RIC1: variants seen among roughly 807,000 people sequenced by gnomAD.
RIC1 encodes guanine nucleotide exchange factor subunit RIC1.
Under a neutral mutation model 169.0 loss-of-function variants are expected in RIC1, and 88 were observed. That is an observed-to-expected ratio of 0.52 (90% confidence interval 0.44 to 0.62). RIC1 has a LOEUF of 0.62. Among genes scored for constraint, RIC1 ranks in the 20% least tolerant of loss-of-function variants. The probability of loss-of-function intolerance (pLI) is 0.00; values close to 1 mark genes in which losing one functional copy is unlikely to be tolerated. For missense variants in RIC1, 1,877 were observed against 1,725.5 expected (o/e 1.09, Z -1.56); for synonymous variants, 790 against 601.5 (o/e 1.31, Z -4.59).
chr9:5,726,746 T>G (rs1024865526), intron 6 of RIC1, among the ~76,000 whole-genome samples: 6 of 152,216 alleles, frequency 3.9e-5, no homozygotes, highest in African/African-American at 1.4e-4. Flanking sequence ...TAAGGCAGGC[T>G]TGGTGGTGAC....
chr9:5,737,649 G>A (rs1471147170), intron 7 of RIC1, among the ~76,000 whole-genome samples: 1 of 151,392 alleles, frequency 6.6e-6, no homozygotes, highest in Non-Finnish European at 1.5e-5. Context: ...ACAGCCCAGG[G>A]GTTAGAGGTA....
intron 3 of RIC1, among the ~76,000 whole-genome samples, chr9:5,694,083 C>T (rs558659924): frequency 6.6e-6 from 1 of 152,242 alleles, no homozygotes; most frequent in Non-Finnish European, 1.5e-5. Context: ...TACTTCTTAC[C>T]AGCTCACTGC....
At chr9:5,645,869 C>G (rs754468804) in intron 1 of RIC1, among the ~76,000 whole-genome samples, 1 of 151,526 alleles carries the variant, frequency 6.6e-6, no homozygotes, top group Non-Finnish European at 1.5e-5. Flanking sequence ...CATGGGTAGA[C>G]AAATATCCAG....
intron 2 of RIC1, among the ~76,000 whole-genome samples, chr9:5,660,795 GTTGT>G (rs1055781031): frequency 6.6e-6 from 1 of 152,054 alleles, no homozygotes; most frequent in Admixed American, 6.5e-5. Context: ...CTACCATTCT[GTTGT>G]TTATCTGCTC....
intron 1 of RIC1, among the ~76,000 whole-genome samples, chr9:5,629,742 C>A (rs111673493): frequency 2.0e-5 from 3 of 152,210 alleles, no homozygotes; most frequent in Non-Finnish European, 2.9e-5. Flanking sequence ...GCTCCCCGGC[C>A]GAGCCCAGAC....
At chr9:5,758,545 G>C (rs1340522182) in intron 17 of RIC1, among the ~76,000 whole-genome samples, 1 of 152,042 alleles carries the variant, frequency 6.6e-6, no homozygotes, top group East Asian at 1.9e-4. Flanking sequence ...CATTGTAAAA[G>C]CTAGTCCCTC....
chr9:5,648,103 C>G lies in RIC1; in HGVS notation c.145-8480C>G, dbSNP rs570008318. ...GTTCAAGCAATTCTTCTGCCTCAGCCTCCCAAGTAGCTGGGATTACAGGCG... is the reference window on the plus strand; with the variant it reads ...GTTCAAGCAATTCTTCTGCCTCAGCGTCCCAAGTAGCTGGGATTACAGGCG... On this transcript the variant is annotated intron_variant, in intron 1 of 25. Transcript: ENST00000414202. Among the ~76,000 whole-genome samples the G allele has an allele frequency of 1.3e-3, 204 of 152,102 alleles. 1 individual carries two copies. Among genetic ancestry groups the G allele is most frequent in the African/African-American group, 4.7e-3 (195 of 41,472 alleles).
chr9:5,655,306 G>T (rs1262519424), intron 1 of RIC1, among the ~76,000 whole-genome samples: 1 of 151,930 alleles, frequency 6.6e-6, no homozygotes, highest in African/African-American at 2.4e-5. Context: ...TTGTTTATTT[G>T]TTTTGTTTTA....
chr9:5,698,747 G>C (rs897758959), intron 3 of RIC1, among the ~76,000 whole-genome samples: 9 of 152,168 alleles, frequency 5.9e-5, no homozygotes, highest in Non-Finnish European at 1.3e-4. Flanking sequence ...TATAAAATGA[G>C]AAAAATGAGT....
At chr9:5,645,191 C>T (rs1818443368) in intron 1 of RIC1, among the ~76,000 whole-genome samples, 1 of 152,010 alleles carries the variant, frequency 6.6e-6, no homozygotes, top group Non-Finnish European at 1.5e-5. Context: ...GTAGCTGGGA[C>T]TACAGATGCC....
In RIC1 at chr9:5,770,049, T is replaced by A. The variant is rs939055256; in HGVS notation, c.3425-38T>A. 2.6e-6 allele frequency: 4 copies of A among 1,545,296 alleles called. No homozygotes were observed. In the African/African-American group the frequency reaches 4.1e-5, roughly 16 times the overall value. ...AAATGTCAGTGTGTGCATCTTCAAT[T>A]TCTTCCTCCATTTTTTGTTTTCGGA... On this transcript the variant is annotated intron_variant, in intron 22 of 25. Transcript: ENST00000414202.
At chr9:5,655,372 C>G (rs1225404872) in intron 1 of RIC1, among the ~76,000 whole-genome samples, 1 of 152,172 alleles carries the variant, frequency 6.6e-6, no homozygotes, top group Non-Finnish European at 1.5e-5. Context: ...ACAATCTCAG[C>G]TCACTGCAAC....
At chr9:5,743,309 A>T (rs577468031) in intron 9 of RIC1, among the ~76,000 whole-genome samples, 21 of 152,244 alleles carry the variant, frequency 1.4e-4, no homozygotes, top group Middle Eastern at 3.4e-3. Flanking sequence ...TTATAATCTA[A>T]TGAGGGTGGT....
chr9:5,691,632 T>G (rs13286228), intron 3 of RIC1, among the ~76,000 whole-genome samples: 5,380 of 152,080 alleles, frequency 0.035, 102 homozygotes, highest in African/African-American at 0.053. Flanking sequence ...AGAATTTTTT[T>G]GCATTCTAAG....
In RIC1 at chr9:5,774,760, G is replaced by T. The variant is rs929035379; in HGVS notation, c.*514G>T. On this transcript the variant is annotated 3_prime_UTR_variant, in exon 26 of 26. Coordinates refer to ENST00000414202, the MANE Select transcript of RIC1 (RefSeq NM_020829.4). The stretch of plus-strand genomic sequence containing the variant: ...CTACCCTGGGGCACAATATGTGCCA[G>T]TGTGATGGAAACATTCTCCTTGGCT... 1.4e-4 allele frequency: 21 copies of T among 152,446 alleles called. No homozygotes were observed. The highest frequency in any genetic ancestry group is 5.1e-4 in the African/African-American group (21 of 41,458). The allele number at this position is 152,446 out of a possible 1,614,324, so 9.4% of individuals were successfully genotyped here.
Position 5,720,652 on chromosome 9 carries a change from G to A in RIC1, c.622G>A (p.Asp208Asn), listed in dbSNP as rs560810397. 6.2e-7 allele frequency: 1 copy of A among 1,610,774 alleles called. No individual in the cohort carries two copies. The highest frequency in any genetic ancestry group is 8.5e-7 in the Non-Finnish European group (1 of 1,178,816). ...FLGFTDVHIR[D>N]MEYCATLDGF... is the part of the protein sequence containing the mutation. Reference sequence around the variant, plus strand: ...GGGCTTCACAGACGTACACATCAGAGACATGGAATACTGTGCCACACTTGA... The same window carrying A: ...GGGCTTCACAGACGTACACATCAGAAACATGGAATACTGTGCCACACTTGA... The change falls in exon 6 of 26, where the codon GAC becomes AAC. Residue 208 changes from aspartate (D) to asparagine (N), a missense_variant. Transcript: ENST00000414202.
At chr9:5,668,381 A>T (rs1260457263) in intron 2 of RIC1, among the ~76,000 whole-genome samples, 1 of 152,136 alleles carries the variant, frequency 6.6e-6, no homozygotes, top group African/African-American at 2.4e-5. Context: ...CAGCAGTTTG[A>T]TTCTAGTGTG....
intron 4 of RIC1, among the ~76,000 whole-genome samples, chr9:5,717,106 A>G (rs1340823932): frequency 1.3e-5 from 2 of 152,212 alleles, no homozygotes; most frequent in East Asian, 1.9e-4. Context: ...AAGATTATCT[A>G]TAAGTCTATT....
intron 3 of RIC1, among the ~76,000 whole-genome samples, chr9:5,699,334 G>T (rs746250686): frequency 6.6e-6 from 1 of 152,144 alleles, no homozygotes; most frequent in Non-Finnish European, 1.5e-5. Flanking sequence ...GTGTGAGTGC[G>T]CCCTCCAATG....
Sources: allele counts gnomAD v4.1 joint callset (sites outside exome capture counted in the v4.1 genomes callset), GRCh38; gene constraint gnomAD v4.1.1; transcripts MANE v1.5; gene names NCBI Gene and HGNC (gene_info 2026-07-23, HGNC 2026-07-21).